Variants in SIGLEC15 observed in about 807,000 individuals in gnomAD.
SIGLEC15 encodes sialic acid-binding Ig-like lectin 15.
Under a neutral mutation model 26.2 loss-of-function variants are expected in SIGLEC15, and 31 were observed. That is an observed-to-expected ratio of 1.18 (90% CI 0.89 to 1.60). The LOEUF is 1.60. Ranked by LOEUF, SIGLEC15 falls within the 40% of genes most tolerant of loss-of-function variation. The probability of loss-of-function intolerance (pLI) is 0.00; values close to 1 mark genes in which losing one functional copy is unlikely to be tolerated. For missense variants in SIGLEC15, 501 were observed against 488.4 expected (o/e 1.03, Z -0.24); for synonymous variants, 207 against 221.9 (o/e 0.93, Z 0.60).
intron 1 of SIGLEC15, 36 bp downstream of exon 1, chr18:45,825,816 G>A: frequency 1.2e-6 from 2 of 1,613,124 alleles, no homozygotes; most frequent in East Asian, 2.2e-5. Context: ...CCATGCTCGG[G>A]ACAGAATAGA....
At chr18:45,836,189 G>A (rs1392278107) in intron 1 of SIGLEC15, among the ~76,000 whole-genome samples, 2 of 152,110 alleles carry the variant, frequency 1.3e-5, no homozygotes, top group African/African-American at 4.8e-5. Flanking sequence ...TGGGCTTGGG[G>A]TCAGAAAAGT....
At chr18:45,838,184 G>A (rs2048292799) in intron 3 of SIGLEC15, among the ~76,000 whole-genome samples, 1 of 152,202 alleles carries the variant, frequency 6.6e-6, no homozygotes, top group African/African-American at 2.4e-5. Flanking sequence ...ACGAAGAGGC[G>A]AGAAAGACAA....
chr18:45,843,910 C>G lies in SIGLEC15; in HGVS notation c.*1723C>G, dbSNP rs2145093945. 1 of 152,250 alleles carries G rather than the reference C, an allele frequency of 6.6e-6. No homozygotes were observed. Among genetic ancestry groups the G allele is most frequent in the Admixed American group, 6.5e-5 (1 of 15,278 alleles). The allele number at this position is 152,250 out of a possible 1,614,324, so 9.4% of individuals were successfully genotyped here. A position where few individuals can be genotyped will look rare whatever the true frequency, so the allele number is the denominator to read the frequency against. ...AAAAGAAATAGAACTACCATATGAT[C>G]CAGTAATCCCACTGCTGGGTATCTG... On this transcript the variant is annotated 3_prime_UTR_variant, in exon 6 of 6. Transcript: ENST00000389474.
intron 1 of SIGLEC15, among the ~76,000 whole-genome samples, chr18:45,832,423 A>G (rs1270254183): frequency 7.5e-6 from 1 of 132,948 alleles, no homozygotes; most frequent in Non-Finnish European, 1.6e-5. Context: ...GTGCTTGATA[A>G]AAGTCTGATG....
Position 45,837,553 on chromosome 18 carries a change from G to T in SIGLEC15, c.153G>T (p.Glu51Asp), listed in dbSNP as rs1165155808. Residue 51 changes from glutamate (E) to aspartate (D), a missense_variant, in exon 3 of 6, where the codon GAG becomes GAT. By Grantham distance (45) the Glu-to-Asp change is conservative (BLOSUM62 2). Coordinates refer to ENST00000389474, the MANE Select transcript of SIGLEC15 (RefSeq NM_213602.3). ...AQRWSMQVPP[E>D]VSAEAGDAAV... ...GCTGGTCCATGCAGGTGCCACCCGA[G>T]GTGAGCGCGGAGGCAGGCGACGCGG... 6.6e-7 allele frequency: 1 copy of T among 1,517,408 alleles called. No individual in the cohort carries two copies. Among genetic ancestry groups the T allele is most frequent in the Non-Finnish European group, 8.8e-7 (1 of 1,140,012 alleles). The allele number at this position is 1,517,408 out of a possible 1,614,324, so 94.0% of individuals were successfully genotyped here.
intron 1 of SIGLEC15, among the ~76,000 whole-genome samples, chr18:45,834,378 A>T (rs903681537): frequency 1.3e-5 from 2 of 152,248 alleles, no homozygotes; most frequent in African/African-American, 4.8e-5. Flanking sequence ...TGTCTGGACA[A>T]GACACACAGT....
Position 45,838,879 on chromosome 18 carries a change from C to T in SIGLEC15, c.658C>T (p.His220Tyr). 2 of 1,591,930 alleles carry T rather than the reference C, an allele frequency of 1.3e-6. No individual in the cohort carries two copies. The highest frequency in any genetic ancestry group is 8.5e-7 in the Non-Finnish European group (1 of 1,173,580). Residue 220 changes from histidine to tyrosine, a missense_variant, in exon 4 of 6, where the codon CAC (histidine) becomes TAC (tyrosine). Transcript: ENST00000389474. ...AVRSPREGHG[H>Y]LVTAELPALT... ...GCGGAGCCCGCGTGAGGGTCACGGC[C>T]ACCTAGTGACCGCCGAACTGCCCGC... is the stretch of plus-strand genomic sequence containing the variant.
Position 45,837,050 on chromosome 18 carries a change from T to C in SIGLEC15, c.74T>C (p.Ile25Thr). 4 of 1,540,724 alleles carry C rather than the reference T, an allele frequency of 2.6e-6. No individual in the cohort carries two copies. The highest frequency in any genetic ancestry group is 1.1e-5 in the South Asian group (1 of 89,560). The change falls in exon 2 of 6, where the codon ATA (isoleucine) becomes ACA (threonine). Residue 25 changes from isoleucine (I) to threonine (T), a missense_variant. Transcript: ENST00000389474. ...LPTGSFVRTK[I>T]DTTENLLNTE... ...GTAGGCTCATTTGTGAGAACTAAAA[T>C]AGATACTACGGAGAACTTGCTCAAC...
At chr18:45,830,190 G>T (rs2048222222) in intron 1 of SIGLEC15, among the ~76,000 whole-genome samples, 1 of 152,252 alleles carries the variant, frequency 6.6e-6, no homozygotes, top group African/African-American at 2.4e-5. Flanking sequence ...CAAGGAACTG[G>T]TGGAGATTTT....
At chr18:45,836,991 T>C in intron 1 of SIGLEC15, 38 bp from the exon 2 acceptor site, 1 of 1,051,988 alleles carries the variant, frequency 9.5e-7, no homozygotes. Flanking sequence ...CCTCAGTTTA[T>C]TCACGTGTAA....
At chr18:45,842,071 G>A (rs12960501) in intron 5 of SIGLEC15, 35 bp from the exon 6 acceptor site, 99,453 of 1,606,896 alleles carry the variant, frequency 0.062, 3,336 homozygotes, top group South Asian at 0.075. Context: ...CCTCCCACCT[G>A]TTTGGATGAT....
intron 1 of SIGLEC15, among the ~76,000 whole-genome samples, chr18:45,826,024 T>C (rs963542749): frequency 2.6e-5 from 4 of 152,152 alleles, no homozygotes; most frequent in Non-Finnish European, 4.4e-5. Context: ...TGGCTGCCTA[T>C]ATAAAGGCTA....
rs540299466 is a variant in SIGLEC15, at chr18:45,829,161, G to A, written c.52+3381G>A. 105 of 985,330 alleles carry A rather than the reference G, an allele frequency of 1.1e-4. No individual in the cohort carries two copies. In the African/African-American group the frequency reaches 1.4e-3, roughly 13 times the overall value. The allele number at this position is 985,330 out of a possible 1,614,324, so 61.0% of individuals were successfully genotyped here. A position where few individuals can be genotyped will look rare whatever the true frequency, so the allele number is the denominator to read the frequency against. ...GGCCCCACAGCAGGGTCAGCCTGTGGCCCTGCCTCTCCATCAGCTCAGGTA... is the reference window on the plus strand; with the variant it reads ...GGCCCCACAGCAGGGTCAGCCTGTGACCCTGCCTCTCCATCAGCTCAGGTA... On this transcript the variant is annotated intron_variant, in intron 1 of 5. Coordinates refer to ENST00000389474, the MANE Select transcript of SIGLEC15 (RefSeq NM_213602.3).
chr18:45,828,671 C>T (rs1489082781), intron 1 of SIGLEC15, among the ~76,000 whole-genome samples: 3 of 152,190 alleles, frequency 2.0e-5, no homozygotes, highest in African/African-American at 4.8e-5. Context: ...TGGTGACTGC[C>T]GGGGCATCCA....
rs373854747 is a variant in SIGLEC15, at chr18:45,837,503, C to A, written c.113-10C>A. ...GGCCCCGAGCCTGACGCAGCCCGCC[C>A]CGCCCTCAGGCTCGCCAGCGCAGCG... On this transcript the variant is annotated splice_polypyrimidine_tract_variant and intron_variant, in intron 2 of 5. Coordinates refer to ENST00000389474, the MANE Select transcript of SIGLEC15 (RefSeq NM_213602.3). 1.7e-5 allele frequency: 25 copies of A among 1,480,846 alleles called. No homozygotes were observed. The African/African-American group carries it at 2.3e-4, about 14-fold the overall frequency. The allele number at this position is 1,480,846 out of a possible 1,614,324, so 91.7% of individuals were successfully genotyped here. A position where few individuals can be genotyped will look rare whatever the true frequency, so the allele number is the denominator to read the frequency against.
chr18:45,840,372 G>C, intron 5 of SIGLEC15, 131 bp downstream of exon 5: 2 of 1,036,724 alleles, frequency 1.9e-6, no homozygotes, highest in Non-Finnish European at 2.8e-6. Context: ...CAGGGGCTGG[G>C]CCTTCCTTGC....
chr18:45,833,604 C>T (rs779376932), intron 1 of SIGLEC15, among the ~76,000 whole-genome samples: 1 of 152,164 alleles, frequency 6.6e-6, no homozygotes, highest in East Asian at 1.9e-4. Context: ...TGAGCCACCA[C>T]GCCCGGCCTC....
At chr18:45,832,080 C>G (rs1308983385) in intron 1 of SIGLEC15, among the ~76,000 whole-genome samples, 2 of 152,234 alleles carry the variant, frequency 1.3e-5, no homozygotes, top group Non-Finnish European at 2.9e-5. Context: ...TCCCACCACC[C>G]TCTGTTCACA....
chr18:45,837,402 T>G, intron 2 of SIGLEC15, 111 bp from the exon 3 acceptor site: 1 of 1,360,446 alleles, frequency 7.4e-7, no homozygotes, highest in Non-Finnish European at 9.5e-7. Context: ...TCCTGGGGTT[T>G]CCAGGCTAGG....
Sources: gnomAD v4.1 joint callset for allele counts (sites outside exome capture counted in the v4.1 genomes callset) on GRCh38, gnomAD v4.1.1 for gene constraint, MANE v1.5 for transcripts, NCBI Gene and HGNC (gene_info 2026-07-23, HGNC 2026-07-21) for gene names.